URB1: variants seen among roughly 807,000 people sequenced by gnomAD.
The protein encoded by URB1 is URB1 ribosome biogenesis factor.
Under a neutral mutation model 242.3 loss-of-function variants are expected in URB1, and 197 were observed. That is an observed-to-expected ratio of 0.81 (90% CI 0.72 to 0.91). The LOEUF (loss-of-function observed/expected upper bound fraction) is 0.91, where lower values mean the gene tolerates loss of function less well. Among genes scored for constraint, URB1 ranks in the 40% least tolerant of loss-of-function variants. The probability of loss-of-function intolerance (pLI) is 0.00; values close to 1 mark genes in which losing one functional copy is unlikely to be tolerated. For synonymous variants in URB1, 1,153 were observed against 1,201.8 expected, an observed-to-expected ratio of 0.96 and a Z score of 0.84; for missense variants, 2,721 against 2,860.5, an observed-to-expected ratio of 0.95 and a Z score of 1.11.
intron 9 of URB1, among the ~76,000 whole-genome samples, chr21:32,366,993 T>A (rs1482814055): frequency 6.6e-6 from 1 of 152,112 alleles, no homozygotes; most frequent in East Asian, 1.9e-4. Context: ...TGACCTGTGG[T>A]CTGCAGAGTC....
chr21:32,357,560 A>G lies in URB1; in HGVS notation c.1966T>C (p.Leu656=), dbSNP rs1169347796. ...ACCTTCATGATCAGAAGTTTGGTCA[A>G]TGACTTCAGTTGTAAATGGCTACTG... ...VTSSHLQLKS[L]TKLLIMKILR... is the part of the protein sequence containing the mutation. The change falls in exon 15 of 39, where the codon TTG becomes CTG. Residue 656 remains leucine, a synonymous_variant. Transcript: ENST00000382751. 2.0e-6 allele frequency: 3 copies of G among 1,526,078 alleles called. No homozygotes were observed. Among genetic ancestry groups the G allele is most frequent in the East Asian group, 2.5e-5 (1 of 39,830 alleles). 94.5% of individuals were successfully genotyped at this position (1,526,078 alleles called of 1,614,324 possible).
intron 12 of URB1, 47 bp downstream of exon 12, chr21:32,361,845 T>C (rs2033291371): frequency 6.5e-7 from 1 of 1,542,046 alleles, no homozygotes; most frequent in African/African-American, 1.4e-5. Flanking sequence ...GTGTCAGCTC[T>C]GTCCCATGCA....
Position 32,311,526 on chromosome 21 carries a change from C to CT in URB1, c.*3391dup, listed in dbSNP as rs766476418. The CT allele has an allele frequency of 4.6e-6, 5 of 1,075,458 alleles. No individual in the cohort carries two copies. Among genetic ancestry groups the CT allele is most frequent in the Non-Finnish European group, 6.6e-6 (5 of 757,824 alleles). The allele number at this position is 1,075,458 out of a possible 1,614,324, so 66.6% of individuals were successfully genotyped here. On this transcript the variant is annotated 3_prime_UTR_variant, in exon 39 of 39. Coordinates refer to ENST00000382751, the MANE Select transcript of URB1 (RefSeq NM_014825.3). ...TCTGAGATTTCTCTAGAATGGCCAC[C>CT]TTTGTGAGCTGGCTGACCCTTCTCA...
chr21:32,321,080 G>A (rs1249570035), intron 34 of URB1, among the ~76,000 whole-genome samples: 1 of 152,206 alleles, frequency 6.6e-6, no homozygotes, highest in Non-Finnish European at 1.5e-5. Context: ...CTTGTTCATG[G>A]GGTGCTTCAG....
chr21:32,385,728 T>C, intron 1 of URB1, 44 bp from the exon 2 acceptor site: 1 of 1,546,058 alleles, frequency 6.5e-7, no homozygotes, highest in Non-Finnish European at 8.7e-7. Flanking sequence ...GTCAGTCTTC[T>C]TAGAAACAAT....
At chr21:32,326,169 C>T (rs1275468231) in intron 30 of URB1, among the ~76,000 whole-genome samples, 1 of 152,128 alleles carries the variant, frequency 6.6e-6, no homozygotes, top group Non-Finnish European at 1.5e-5. Context: ...TAATAAAAAC[C>T]CAGGCTATTC....
intron 10 of URB1, among the ~76,000 whole-genome samples, chr21:32,366,124 TC>T (rs2033343409): frequency 6.6e-6 from 1 of 152,200 alleles, no homozygotes; most frequent in Non-Finnish European, 1.5e-5. Context: ...CATGAACATG[TC>T]CTCCAAAAAT....
At position 32,354,824 on chromosome 21, in the gene URB1, G is replaced by A. The variant is rs2033200303; in HGVS notation, c.2245+35C>T. On this transcript the variant is annotated intron_variant, in intron 17 of 38. Transcript: ENST00000382751. ...ACACGTCACTGTGGCTTGGTCTTCAGACCTCTGAGCAGCGCAGAACAGAAT... is the reference window on the plus strand; with the variant it reads ...ACACGTCACTGTGGCTTGGTCTTCAAACCTCTGAGCAGCGCAGAACAGAAT... 7.1e-6 allele frequency: 11 copies of A among 1,539,510 alleles called. No individual in the cohort carries two copies. In the South Asian group the frequency reaches 1.2e-4, roughly 17 times the overall value.
intron 9 of URB1, among the ~76,000 whole-genome samples, chr21:32,367,796 C>T (rs550330225): frequency 4.5e-4 from 68 of 152,232 alleles, no homozygotes; most frequent in African/African-American, 1.6e-3. Context: ...AAGAGATAAT[C>T]GGGCAACTCA....
rs199713282 is a variant in URB1, at chr21:32,314,338, C to T, written c.*580G>A. Reference sequence around the variant, plus strand: ...TAGCTGGAATTACAGGTGTGCGCTACCATGCCTGGCTAATTTTTGTATTTT... The same window carrying T: ...TAGCTGGAATTACAGGTGTGCGCTATCATGCCTGGCTAATTTTTGTATTTT... On this transcript the variant is annotated 3_prime_UTR_variant, in exon 39 of 39. Coordinates refer to ENST00000382751, the MANE Select transcript of URB1 (RefSeq NM_014825.3). The T allele has an allele frequency of 2.1e-6, 1 of 472,050 alleles. No homozygotes were observed. Among genetic ancestry groups the T allele is most frequent in the Non-Finnish European group, 3.9e-6 (1 of 253,170 alleles). 29.2% of individuals were successfully genotyped at this position (472,050 alleles called of 1,614,324 possible).
chr21:32,374,812 A>T (rs2033441915), intron 6 of URB1, among the ~76,000 whole-genome samples: 1 of 152,216 alleles, frequency 6.6e-6, no homozygotes, highest in African/African-American at 2.4e-5. Context: ...AATGTCCCGT[A>T]GAAGGCAAAA....
chr21:32,383,692 C>G, intron 3 of URB1, 138 bp from the exon 4 acceptor site: 1 of 985,028 alleles, frequency 1.0e-6, no homozygotes, highest in Non-Finnish European at 1.4e-6. Flanking sequence ...AAGACATGCT[C>G]TTTTTTTAAG....
intron 21 of URB1, among the ~76,000 whole-genome samples, chr21:32,348,093 A>C (rs947343986): frequency 6.6e-6 from 1 of 152,064 alleles, no homozygotes; most frequent in Admixed American, 6.6e-5. Context: ...TGCCCCACCC[A>C]CATTTGCGAG....
At chr21:32,330,622 T>C (rs2032882935) in intron 30 of URB1, among the ~76,000 whole-genome samples, 1 of 152,202 alleles carries the variant, frequency 6.6e-6, no homozygotes, top group African/African-American at 2.4e-5. Flanking sequence ...AAAGGTCCAG[T>C]AGTCTTGCAT....
rs191629630 is a variant in URB1, at chr21:32,384,238, A to G, written c.434+75T>C. On this transcript the variant is annotated intron_variant, in intron 3 of 38. Coordinates refer to ENST00000382751, the MANE Select transcript of URB1 (RefSeq NM_014825.3). ...CCTCTAGCCATAAAGGTACTGACCA[A>G]ATGCACCTGCGGAGAGCTGAATGCA... The G allele has an allele frequency of 4.7e-5, 70 of 1,487,512 alleles. No homozygotes were observed. In the East Asian group the frequency reaches 1.1e-3, roughly 23 times the overall value. 92.1% of individuals were successfully genotyped at this position (1,487,512 alleles called of 1,614,324 possible).
intron 30 of URB1, among the ~76,000 whole-genome samples, chr21:32,329,182 G>A (rs923402916): frequency 7.2e-5 from 11 of 152,030 alleles, no homozygotes; most frequent in African/African-American, 2.4e-4. Flanking sequence ...GCAGGAGGAC[G>A]GCTTGAACAG....
intron 26 of URB1, among the ~76,000 whole-genome samples, chr21:32,338,375 C>G (rs115878578): frequency 1.6e-4 from 25 of 152,304 alleles, no homozygotes; most frequent in African/African-American, 5.8e-4. Flanking sequence ...CAATTTCTCT[C>G]AGGTTAGACA....
chr21:32,312,293 T>C lies in URB1; in HGVS notation c.*2625A>G. ...ATATATGCAAATCAAGAGGAAAAGC[T>C]GTTTGCTTACTAATCTTTACTATGC... On this transcript the variant is annotated 3_prime_UTR_variant, in exon 39 of 39. Transcript: ENST00000382751. The C allele has an allele frequency of 1.5e-6, 2 of 1,343,240 alleles. No homozygotes were observed. The highest frequency in any genetic ancestry group is 3.2e-5 in the East Asian group (1 of 31,134). 83.2% of individuals were successfully genotyped at this position (1,343,240 alleles called of 1,614,324 possible).
intron 35 of URB1, 65 bp from the exon 36 acceptor site, chr21:32,319,479 G>GCCCTCCATAATCCTATCTGCTCATCC (rs2032739108): frequency 2.1e-5 from 29 of 1,401,464 alleles, no homozygotes; most frequent in Middle Eastern, 1.8e-4. Context: ...TCAGACTATC[G>GCCCTCCATAATCCTATCTGCTCATCC]CCCTCCATAA....
Sources: allele counts gnomAD v4.1 joint callset (sites outside exome capture counted in the v4.1 genomes callset), GRCh38; gene constraint gnomAD v4.1.1; transcripts MANE v1.5; gene names NCBI Gene and HGNC (gene_info 2026-07-23, HGNC 2026-07-21).